Variants in EFCAB3 observed in about 807,000 individuals in gnomAD.
EFCAB3 encodes EF-hand calcium binding domain 3.
EFCAB3 carries 36 observed loss-of-function variants against 42.2 expected under a neutral mutation model. The observed-to-expected ratio is 0.85, with a 90% CI of 0.65 to 1.13. EFCAB3 has a LOEUF of 1.13. Ranked by LOEUF, EFCAB3 falls within the 50% of genes most tolerant of loss-of-function variation. EFCAB3 has a pLI of 0.00. For synonymous variants in EFCAB3, 170 were observed against 172.8 expected, an observed-to-expected ratio of 0.98 and a Z score of 0.13; for missense variants, 418 against 505.1, an observed-to-expected ratio of 0.83 and a Z score of 1.65.
intron 1 of EFCAB3, 82 bp from the exon 2 acceptor site, chr17:62,382,881 G>C (rs2070215132): frequency 1.1e-5 from 14 of 1,224,892 alleles, no homozygotes; most frequent in Non-Finnish European, 1.6e-5. Context: ...TCAAACTCCA[G>C]GCTTTGAGCT....
intron 1 of EFCAB3, among the ~76,000 whole-genome samples, chr17:62,371,900 G>C (rs1182891793): frequency 6.6e-6 from 1 of 152,106 alleles, no homozygotes; most frequent in East Asian, 1.9e-4. Flanking sequence ...GTGCATCGGA[G>C]GATAACGTTT....
intron 1 of EFCAB3, among the ~76,000 whole-genome samples, chr17:62,382,633 T>C (rs987975823): frequency 6.6e-6 from 1 of 152,240 alleles, no homozygotes; most frequent in Non-Finnish European, 1.5e-5. Flanking sequence ...TTAAACTATT[T>C]TAGATTATAC....
At chr17:62,411,890 A>G (rs1464054216) in intron 8 of EFCAB3, among the ~76,000 whole-genome samples, 23 of 99,370 alleles carry the variant, frequency 2.3e-4, no homozygotes, top group Admixed American at 6.2e-4. Context: ...GGAAGGAAGG[A>G]AGGAAGGAAG....
Position 62,399,433 on chromosome 17 carries a change from G to T in EFCAB3, c.488+4245G>T, listed in dbSNP as rs2070382031. ...TCTGCTCACCTCAGCCTCCCAAAGT[G>T]CTAGGATTACAGGCGTGAGCCACCG... On this transcript the variant is annotated intron_variant, in intron 6 of 9. Coordinates refer to ENST00000305286, the MANE Select transcript of EFCAB3 (RefSeq NM_173503.4). Among the ~76,000 whole-genome samples, 3 of 151,900 alleles carry T rather than the reference G, an allele frequency of 2.0e-5. No individual in the cohort carries two copies. In the Admixed American group the frequency reaches 2.0e-4, roughly 10 times the overall value.
rs1376554023 is a variant in EFCAB3, at chr17:62,416,398, G to A, written c.*69G>A. On this transcript the variant is annotated 3_prime_UTR_variant, in exon 10 of 10. Coordinates refer to ENST00000305286, the MANE Select transcript of EFCAB3 (RefSeq NM_173503.4). ...ATAGTTATCAAAATTATTGTTTCTT[G>A]CTTTTGTCTAAGTACATTCTTAGAA... 13 of 1,274,904 alleles carry A rather than the reference G, an allele frequency of 1.0e-5. No individual in the cohort carries two copies. The highest frequency in any genetic ancestry group is 1.4e-5 in the Non-Finnish European group (13 of 937,580). The allele number at this position is 1,274,904 out of a possible 1,614,324, so 79.0% of individuals were successfully genotyped here.
chr17:62,372,145 A>T (rs986102679), intron 1 of EFCAB3, among the ~76,000 whole-genome samples: 1 of 152,226 alleles, frequency 6.6e-6, no homozygotes, highest in Non-Finnish European at 1.5e-5. Context: ...TTCTCAAATC[A>T]TGGTTTTATG....
At chr17:62,413,126 G>T (rs761444499) in intron 8 of EFCAB3, among the ~76,000 whole-genome samples, 1 of 152,072 alleles carries the variant, frequency 6.6e-6, no homozygotes, top group Non-Finnish European at 1.5e-5. Context: ...TAAATAAAAA[G>T]ATATTAATTC....
chr17:62,397,446 G>A, intron 6 of EFCAB3: 1 of 529,048 alleles, frequency 1.9e-6, no homozygotes, highest in South Asian at 1.5e-5. Flanking sequence ...CACAGTCACT[G>A]ACGAGACCAG....
intron 5 of EFCAB3, 49 bp downstream of exon 5, chr17:62,393,693 C>T (rs2070324248): frequency 2.7e-6 from 4 of 1,500,048 alleles, no homozygotes; most frequent in Non-Finnish European, 3.7e-6. Context: ...CTACAACTCA[C>T]TGCACAGCAA....
At chr17:62,401,795 CTTTAAAGTAG>C (rs1230008029) in intron 6 of EFCAB3, among the ~76,000 whole-genome samples, 1 of 152,100 alleles carries the variant, frequency 6.6e-6, no homozygotes, top group Non-Finnish European at 1.5e-5. Context: ...CCCACATGAA[CTTTAAAGTAG>C]TTTTTTCCAA....
intron 2 of EFCAB3, chr17:62,373,943 T>C: frequency 2.6e-6 from 2 of 782,596 alleles, no homozygotes; most frequent in Non-Finnish European, 4.0e-6. Context: ...GTTTTCTTGG[T>C]TATAAAAGTA....
At chr17:62,400,654 G>A (rs1025161353) in intron 6 of EFCAB3, among the ~76,000 whole-genome samples, 1 of 152,110 alleles carries the variant, frequency 6.6e-6, no homozygotes, top group African/African-American at 2.4e-5. Flanking sequence ...TTGGTTCCAA[G>A]TCTTTGCTAT....
At chr17:62,377,949 T>C, upstream of EFCAB3, 1 of 1,540,764 alleles carries the variant, frequency 6.5e-7, no homozygotes, top group Non-Finnish European at 8.8e-7. Flanking sequence ...TAATTTTGAT[T>C]CTTAATCTTG....
chr17:62,411,752 A>C (rs1044567373), intron 8 of EFCAB3, among the ~76,000 whole-genome samples: 27 of 148,366 alleles, frequency 1.8e-4, no homozygotes, highest in African/African-American at 5.7e-4. Context: ...TGGGCCACCA[A>C]GCAACACTCT....
At chr17:62,415,934 T>G in intron 9 of EFCAB3, 69 bp from the exon 10 acceptor site, 2 of 1,282,216 alleles carry the variant, frequency 1.6e-6, no homozygotes, top group Non-Finnish European at 2.2e-6. Flanking sequence ...TTGGGGTATC[T>G]ATCATTGTGG....
chr17:62,386,536 C>T (rs888739057), intron 2 of EFCAB3, among the ~76,000 whole-genome samples: 87 of 151,596 alleles, frequency 5.7e-4, no homozygotes, highest in African/African-American at 1.7e-3. Flanking sequence ...ACCACAACAA[C>T]GTTTATACAG....
chr17:62,379,718 C>T (rs1400566244), upstream of EFCAB3, among the ~76,000 whole-genome samples: 4 of 152,154 alleles, frequency 2.6e-5, no homozygotes, highest in Non-Finnish European at 4.4e-5. Context: ...GATATCTGTA[C>T]TTAGCCATGA....
At position 62,407,047 on chromosome 17, in the gene EFCAB3, T is replaced by C. The variant is rs753948909; in HGVS notation, c.702T>C (p.Asp234=). The part of the protein sequence containing the change: ...EELKRCNSGS[D]SPYSKIPIFP... ...TTTTAGGATGCAATTCCGGTTCAGA[T>C]AGCCCATATTCAAAAATACCCATCT... The change falls in exon 8 of 10, where the codon GAT becomes GAC. Residue 234 remains aspartate (D), a synonymous_variant. Coordinates refer to ENST00000305286, the MANE Select transcript of EFCAB3 (RefSeq NM_173503.4). 1.9e-6 allele frequency: 3 copies of C among 1,588,696 alleles called. No individual in the cohort carries two copies. The highest frequency in any genetic ancestry group is 2.3e-5 in the South Asian group (2 of 85,634).
At chr17:62,413,615 C>A (rs2070518491) in intron 8 of EFCAB3, 117 bp from the exon 9 acceptor site, 5 of 1,005,748 alleles carry the variant, frequency 5.0e-6, no homozygotes, top group Admixed American at 3.1e-5. Flanking sequence ...TTGGCAATAA[C>A]CTTATAAATT....
Sources: gnomAD v4.1 joint callset for allele counts (sites outside exome capture counted in the v4.1 genomes callset) on GRCh38, gnomAD v4.1.1 for gene constraint, MANE v1.5 for transcripts, NCBI Gene and HGNC (gene_info 2026-07-23, HGNC 2026-07-21) for gene names.